ELMO1: variants seen among roughly 807,000 people sequenced by gnomAD.
ELMO1 encodes the protein engulfment and cell motility 1.
A neutral mutation model predicts 98.9 loss-of-function variants in ELMO1; 26 were observed. The observed-to-expected ratio is 0.26, with a 90% confidence interval of 0.19 to 0.36. The LOEUF (loss-of-function observed/expected upper bound fraction) is 0.36. ELMO1 is among the 10% of genes least tolerant of loss of function. ELMO1 has a pLI of 1.00. For synonymous variants in ELMO1, 346 were observed against 346.0 expected (o/e 1.00, Z 0.00); for missense variants, 627 against 935.2 (o/e 0.67, Z 4.30).
chr7:37,389,153 T>C (rs749722489), intron 1 of ELMO1, among the ~76,000 whole-genome samples: 3 of 152,106 alleles, frequency 2.0e-5, no homozygotes, highest in Admixed American at 6.5e-5. Context: ...AGCAGCAAAT[T>C]AGAGAGGGCT....
intron 13 of ELMO1, among the ~76,000 whole-genome samples, chr7:37,166,704 A>T (rs1789719799): frequency 6.6e-6 from 1 of 152,156 alleles, no homozygotes; most frequent in Non-Finnish European, 1.5e-5. Flanking sequence ...TCTGAGAGAT[A>T]GTTTCTTATA....
intron 8 of ELMO1, among the ~76,000 whole-genome samples, chr7:37,227,316 C>T (rs1292844539): frequency 1.3e-5 from 2 of 152,198 alleles, no homozygotes; most frequent in Non-Finnish European, 2.9e-5. Context: ...TTGCCTACTT[C>T]CATAAATATC....
intron 13 of ELMO1, among the ~76,000 whole-genome samples, chr7:37,206,838 A>C (rs1417687937): frequency 6.6e-6 from 1 of 152,132 alleles, no homozygotes; most frequent in Non-Finnish European, 1.5e-5. Context: ...TTTTTAAAAA[A>C]AAAAAGCTTA....
intron 16 of ELMO1, among the ~76,000 whole-genome samples, chr7:36,922,866 T>C (rs1306520910): frequency 2.0e-5 from 3 of 152,234 alleles, no homozygotes; most frequent in South Asian, 2.1e-4. Flanking sequence ...ATGCTTCCTA[T>C]GGAAAGTGTT....
intron 1 of ELMO1, among the ~76,000 whole-genome samples, chr7:37,438,589 G>C (rs1380345149): frequency 1.0e-5 from 1 of 99,474 alleles, no homozygotes; most frequent in Non-Finnish European, 2.0e-5. Flanking sequence ...AACAGAATGA[G>C]ACTCTGTCTC....
chr7:37,340,915 A>T (rs750996891), intron 2 of ELMO1, among the ~76,000 whole-genome samples: 2 of 152,226 alleles, frequency 1.3e-5, no homozygotes, highest in Non-Finnish European at 2.9e-5. Flanking sequence ...TACCAGAACC[A>T]CTAAATTAGA....
At chr7:37,200,945 TA>T (rs372125187) in intron 13 of ELMO1, among the ~76,000 whole-genome samples, 40,277 of 133,368 alleles carry the variant, frequency 0.3, 5,938 homozygotes, top group African/African-American at 0.42. Context: ...TCTGTCTCAA[TA>T]AAAAAAAAAA....
chr7:36,985,179 C>T (rs1047908863), intron 16 of ELMO1: 23 of 910,164 alleles, frequency 2.5e-5, no homozygotes, highest in Non-Finnish European at 2.9e-5. Flanking sequence ...TCAGAGCATC[C>T]CTTTCCTGGC....
chr7:37,433,934 G>T (rs753287303), intron 1 of ELMO1, among the ~76,000 whole-genome samples: 1 of 152,046 alleles, frequency 6.6e-6, no homozygotes, highest in African/African-American at 2.4e-5. Flanking sequence ...GCCTGTCCCC[G>T]AACCTCATCT....
chr7:36,949,292 C>T (rs970459507), intron 16 of ELMO1, among the ~76,000 whole-genome samples: 4 of 152,200 alleles, frequency 2.6e-5, no homozygotes, highest in Non-Finnish European at 4.4e-5. Context: ...CTGTGTTTCC[C>T]CCACATTCCC....
intron 16 of ELMO1, among the ~76,000 whole-genome samples, chr7:36,918,972 C>CTTCATTCA (rs59162769): frequency 1.3e-5 from 2 of 151,800 alleles, no homozygotes; most frequent in African/African-American, 2.4e-5. Flanking sequence ...GCAAGCATGC[C>CTTCATTCA]TTCATTCATT....
In ELMO1 at chr7:36,857,483, T is replaced by C. The variant is rs77085808; in HGVS notation, c.1984-1732A>G. Among the ~76,000 whole-genome samples the C allele has an allele frequency of 1.5e-3, 222 of 152,314 alleles. 5 individuals carry two copies. The East Asian group carries it at 0.038, about 26-fold the overall frequency. On this transcript the variant is annotated intron_variant, in intron 21 of 21. Coordinates refer to ENST00000310758, the MANE Select transcript of ELMO1 (RefSeq NM_014800.11). ...TAAATCCCCAAGTCCTGGGGATTAC[T>C]GTTCTTTTCACACAGCCTTCCCAGG...
At chr7:37,260,290 C>T (rs938501495) in intron 5 of ELMO1, among the ~76,000 whole-genome samples, 10 of 152,106 alleles carry the variant, frequency 6.6e-5, no homozygotes, top group African/African-American at 2.4e-4. Flanking sequence ...CTTTTGAAAC[C>T]GTGTTATATT....
intron 6 of ELMO1, among the ~76,000 whole-genome samples, chr7:37,250,417 AGTC>A (rs1163484446): frequency 5.3e-5 from 8 of 152,242 alleles, no homozygotes; most frequent in African/African-American, 1.9e-4. Flanking sequence ...TATTAAAAAT[AGTC>A]GTCTGTGGAA....
intron 1 of ELMO1, among the ~76,000 whole-genome samples, chr7:37,440,173 G>A (rs2131587135): frequency 6.6e-6 from 1 of 152,336 alleles, no homozygotes. Flanking sequence ...GCCAGGCACA[G>A]TGGCTCATGT....
chr7:37,349,180 T>C (rs1292962002), intron 1 of ELMO1, among the ~76,000 whole-genome samples: 1 of 152,168 alleles, frequency 6.6e-6, no homozygotes, highest in African/African-American at 2.4e-5. Context: ...GCCCCTTCCT[T>C]CCTCACCAGA....
intron 13 of ELMO1, among the ~76,000 whole-genome samples, chr7:37,181,239 A>G (rs1182834242): frequency 6.6e-6 from 1 of 152,136 alleles, no homozygotes; most frequent in African/African-American, 2.4e-5. Context: ...AGTGGCCACA[A>G]GGCAGCCTCC....
intron 14 of ELMO1, among the ~76,000 whole-genome samples, chr7:37,106,264 T>A (rs1025343019): frequency 7.2e-5 from 11 of 152,146 alleles, no homozygotes; most frequent in Admixed American, 2.0e-4. Flanking sequence ...TAATCCCCAA[T>A]GCAACAGTAT....
intron 4 of ELMO1, 34 bp downstream of exon 4, chr7:37,314,816 A>G (rs1161465938): frequency 6.3e-7 from 1 of 1,582,098 alleles, no homozygotes; most frequent in Non-Finnish European, 8.7e-7. Flanking sequence ...TTCCTTCAAT[A>G]TGTATCCCAT....
Sources: gnomAD v4.1 joint callset for allele counts (sites outside exome capture counted in the v4.1 genomes callset) on GRCh38, gnomAD v4.1.1 for gene constraint, MANE v1.5 for transcripts, NCBI Gene and HGNC (gene_info 2026-07-23, HGNC 2026-07-21) for gene names.